The following PAPPA2 variants were observed in gnomAD, a reference collection of about 807,000 sequenced individuals.
PAPPA2 encodes the protein pappalysin 2.
Under a neutral mutation model 176.4 loss-of-function variants are expected in PAPPA2, and 86 were observed. That is an observed-to-expected ratio of 0.49 (90% CI 0.41 to 0.58). The LOEUF (loss-of-function observed/expected upper bound fraction) is 0.58. Among genes scored for constraint, PAPPA2 ranks in the 20% least tolerant of loss-of-function variants. The pLI is 0.00. For synonymous variants in PAPPA2, 809 were observed against 852.2 expected (o/e 0.95, Z 0.88); for missense variants, 2,073 against 2,256.9 (o/e 0.92, Z 1.65).
chr1:176,814,676 C>A (rs1366704440), intron 21 of PAPPA2, among the ~76,000 whole-genome samples: 2 of 152,130 alleles, frequency 1.3e-5, no homozygotes, highest in East Asian at 1.9e-4. Context: ...AGCTTAAGAA[C>A]CTTTTTGCTG....
chr1:176,783,341 T>C (rs1664800428), intron 17 of PAPPA2, among the ~76,000 whole-genome samples: 1 of 152,222 alleles, frequency 6.6e-6, no homozygotes. Context: ...CAACAAATCA[T>C]ACTTTTATTT....
chr1:176,805,524 G>A (rs1024655708), intron 21 of PAPPA2, among the ~76,000 whole-genome samples: 2 of 152,134 alleles, frequency 1.3e-5, no homozygotes, highest in East Asian at 1.9e-4. Context: ...TTAGCTATGC[G>A]CAGTACCTGT....
intron 3 of PAPPA2, among the ~76,000 whole-genome samples, chr1:176,623,564 TTCCTTCCTTCCC>T (rs200585232): frequency 0.092 from 8,935 of 97,204 alleles, 687 homozygotes; most frequent in African/African-American, 0.12. Flanking sequence ...TTCCCCTTCC[TTCCTTCCTTCCC>T]TCCTTCCTTC....
intron 17 of PAPPA2, among the ~76,000 whole-genome samples, chr1:176,785,775 C>T (rs1394173398): frequency 6.6e-6 from 1 of 152,152 alleles, no homozygotes; most frequent in Non-Finnish European, 1.5e-5. Flanking sequence ...ACTCTCACCC[C>T]TGAGGTTATT....
intron 3 of PAPPA2, among the ~76,000 whole-genome samples, chr1:176,614,505 C>A (rs1177717601): frequency 6.6e-6 from 1 of 152,136 alleles, no homozygotes; most frequent in Non-Finnish European, 1.5e-5. Flanking sequence ...TAATTTCCTC[C>A]CTGTCAGTTT....
At chr1:176,675,076 C>T (rs1196889251) in intron 4 of PAPPA2, among the ~76,000 whole-genome samples, 1 of 151,972 alleles carries the variant, frequency 6.6e-6, no homozygotes, top group Non-Finnish European at 1.5e-5. Flanking sequence ...GTCATGAACT[C>T]TTTGCCTAAG....
At chr1:176,530,257 T>A (rs1428380124) in intron 1 of PAPPA2, among the ~76,000 whole-genome samples, 2 of 152,170 alleles carry the variant, frequency 1.3e-5, no homozygotes, top group Non-Finnish European at 2.9e-5. Context: ...AAACCTCACA[T>A]TTTCCTTGGG....
Position 176,525,465 on chromosome 1 carries a change from C to G in PAPPA2, c.-916-29942C>G, listed in dbSNP as rs116168173. 4.0e-3 allele frequency among the ~76,000 whole-genome samples: 610 copies of G among 152,246 alleles called. 5 individuals carry two copies. The highest frequency in any genetic ancestry group is 0.014 in the African/African-American group (590 of 41,536). On this transcript the variant is annotated intron_variant, in intron 1 of 22. Transcript: ENST00000367662. ...TAAACAGGAATGTCAAAAAGATGTTCAGGATTTCTTTCAGTACCTTAGGAT... is the reference window on the plus strand; with the variant it reads ...TAAACAGGAATGTCAAAAAGATGTTGAGGATTTCTTTCAGTACCTTAGGAT...
At chr1:176,683,008 CTATTTATTTATTTATT>C (rs71865149) in intron 4 of PAPPA2, among the ~76,000 whole-genome samples, 1,524 of 140,654 alleles carry the variant, frequency 0.011, 21 homozygotes, top group African/African-American at 0.027. Flanking sequence ...TTGCCCAAAG[CTATTTATTTATTTATT>C]TATTTATTTA....
chr1:176,720,054 A>G (rs952802070), intron 12 of PAPPA2, among the ~76,000 whole-genome samples: 1 of 152,230 alleles, frequency 6.6e-6, no homozygotes, highest in African/African-American at 2.4e-5. Flanking sequence ...TAAAATTAAT[A>G]TATTGTGCAA....
At chr1:176,692,802 C>G (rs1660178013) in intron 6 of PAPPA2, among the ~76,000 whole-genome samples, 1 of 152,204 alleles carries the variant, frequency 6.6e-6, no homozygotes, top group East Asian at 1.9e-4. Context: ...CTGACACCTT[C>G]TCAGCCTCCT....
At chr1:176,735,732 CTATCTATCATCT>C (rs754581693) in intron 12 of PAPPA2, among the ~76,000 whole-genome samples, 86 of 142,808 alleles carry the variant, frequency 6.0e-4, no homozygotes, top group Non-Finnish European at 8.6e-4. Context: ...ATCTATCTAT[CTATCTATCATCT>C]ATCTGTCTGT....
At chr1:176,491,284 C>A (rs896545749) in intron 1 of PAPPA2, among the ~76,000 whole-genome samples, 3 of 152,186 alleles carry the variant, frequency 2.0e-5, no homozygotes. Context: ...GTATGTCATG[C>A]ACTATCTGTG....
chr1:176,619,560 A>C (rs1442425252), intron 3 of PAPPA2, among the ~76,000 whole-genome samples: 1 of 152,190 alleles, frequency 6.6e-6, no homozygotes, highest in East Asian at 1.9e-4. Context: ...TTCTCTTATA[A>C]AAGCATTTAT....
intron 2 of PAPPA2, among the ~76,000 whole-genome samples, chr1:176,562,208 G>GTGTTGT: frequency 6.6e-6 from 1 of 152,214 alleles, no homozygotes; most frequent in South Asian, 2.1e-4. Flanking sequence ...ATATTGGTAA[G>GTGTTGT]TGTTGTTGTT....
At chr1:176,541,151 T>C (rs766578976) in intron 1 of PAPPA2, among the ~76,000 whole-genome samples, 2 of 152,362 alleles carry the variant, frequency 1.3e-5, no homozygotes, top group South Asian at 4.1e-4. Context: ...TAGAATGTGC[T>C]CTATACATCT....
intron 21 of PAPPA2, among the ~76,000 whole-genome samples, chr1:176,820,599 G>A (rs1666621342): frequency 1.3e-5 from 2 of 152,160 alleles, no homozygotes; most frequent in African/African-American, 2.4e-5. Context: ...CCAGCCACAT[G>A]TCATGCATGG....
At chr1:176,516,446 A>G (rs1181485802) in intron 1 of PAPPA2, among the ~76,000 whole-genome samples, 1 of 152,092 alleles carries the variant, frequency 6.6e-6, no homozygotes, top group African/African-American at 2.4e-5. Flanking sequence ...GACTGCTAAG[A>G]TTTGAATGTT....
At chr1:176,532,017 G>A (rs183323482) in intron 1 of PAPPA2, among the ~76,000 whole-genome samples, 36 of 152,272 alleles carry the variant, frequency 2.4e-4, no homozygotes, top group African/African-American at 8.4e-4. Flanking sequence ...TGGTGCTGAA[G>A]AAAAGCTGTC....
Sources: allele counts gnomAD v4.1 joint callset (sites outside exome capture counted in the v4.1 genomes callset), GRCh38; gene constraint gnomAD v4.1.1; transcripts MANE v1.5; gene names NCBI Gene and HGNC (gene_info 2026-07-23, HGNC 2026-07-21).